Variants in DAAM2 observed in about 807,000 individuals in gnomAD.
DAAM2 encodes the protein dishevelled associated activator of morphogenesis 2.
A neutral mutation model predicts 120.7 loss-of-function variants in DAAM2; 39 were observed. That is an observed-to-expected ratio of 0.32 (90% confidence interval 0.25 to 0.42). The LOEUF (loss-of-function observed/expected upper bound fraction) is 0.42. Among genes scored for constraint, DAAM2 ranks in the 10% least tolerant of loss-of-function variants. The probability of loss-of-function intolerance (pLI) is 1.00; values close to 1 mark genes in which losing one functional copy is unlikely to be tolerated. For synonymous variants in DAAM2, 488 were observed against 524.9 expected (o/e 0.93, Z 0.96); for missense variants, 1,283 against 1,401.7 (o/e 0.92, Z 1.35).
In DAAM2 at chr6:39,832,934, C is replaced by G. The variant is rs143319675; in HGVS notation, c.-56-23313C>G. ...GGCTCTGCCAGGACGTCCACCCACT[C>G]CTGGAGGGCCCAGGTGTCCAGTGGC... On this transcript the variant is annotated intron_variant, in intron 1 of 24. Coordinates refer to ENST00000274867, the MANE Select transcript of DAAM2 (RefSeq NM_001201427.2). Among the ~76,000 whole-genome samples, 285 of 152,290 alleles carry G rather than the reference C, an allele frequency of 1.9e-3. 3 individuals carry two copies. The highest frequency in any genetic ancestry group is 6.2e-3 in the African/African-American group (259 of 41,570).
At chr6:39,812,271 G>T (rs1481640917) in intron 1 of DAAM2, among the ~76,000 whole-genome samples, 2 of 152,148 alleles carry the variant, frequency 1.3e-5, no homozygotes, top group Admixed American at 6.5e-5. Context: ...TGTATGGAGG[G>T]CTCACTAGGT....
chr6:39,888,778 G>A lies in DAAM2; in HGVS notation c.2145+15G>A, dbSNP rs1028790925. 6.2e-7 allele frequency: 1 copy of A among 1,603,834 alleles called. No individual in the cohort carries two copies. Among genetic ancestry groups the A allele is most frequent in the Non-Finnish European group, 8.5e-7 (1 of 1,172,734 alleles). On this transcript the variant is annotated intron_variant, in intron 17 of 24. Transcript: ENST00000274867. ...TGCTGGAGCAGGTGAGGACCCTCGT[G>A]GGAAGGAAGGGGAACTGAACCCAGC... is the stretch of plus-strand genomic sequence containing the variant.
chr6:39,840,267 A>G (rs1388147093), intron 1 of DAAM2, among the ~76,000 whole-genome samples: 1 of 152,144 alleles, frequency 6.6e-6, no homozygotes, highest in Non-Finnish European at 1.5e-5. Context: ...CAGCTAGGTC[A>G]GAACCTGCCT....
At position 39,869,029 on chromosome 6, in the gene DAAM2, A is replaced by G. The variant is rs143771988; in HGVS notation, c.873+96A>G. On this transcript the variant is annotated intron_variant, in intron 7 of 24. Transcript: ENST00000274867. ...TGCTTCCCCAATAATTGTTTTTGCT[A>G]TTAAACCTGGGAGGGCTCCTGGGGA... is the stretch of plus-strand genomic sequence containing the variant. 1.5e-4 allele frequency: 145 copies of G among 960,788 alleles called. No homozygotes were observed. The East Asian group carries it at 3.7e-3, about 24-fold the overall frequency. The allele number at this position is 960,788 out of a possible 1,614,324, so 59.5% of individuals were successfully genotyped here.
At position 39,897,256 on chromosome 6, in the gene DAAM2, A is replaced by C; in HGVS notation, c.2592A>C (p.Gln864His). Residue 864 changes from glutamine to histidine, a missense_variant, in exon 21 of 25, where the codon CAA (glutamine) becomes CAC (histidine). Physicochemically the swap from Gln to His is conservative, Grantham distance 24. Transcript: ENST00000274867. ...PDILNMPSEL[Q>H]HLPEAAKVNL... ...TTCTAAACATGCCTTCAGAGCTGCAACATCTTCCAGAAGCTGCCAAAGTCA... is the reference window on the plus strand; with the variant it reads ...TTCTAAACATGCCTTCAGAGCTGCACCATCTTCCAGAAGCTGCCAAAGTCA... 8.7e-6 allele frequency: 14 copies of C among 1,612,744 alleles called. No homozygotes were observed. The highest frequency in any genetic ancestry group is 1.2e-5 in the Non-Finnish European group (14 of 1,178,784).
In DAAM2 at chr6:39,805,557, A is replaced by ATT. The variant is rs35097341; in HGVS notation, c.-57+13106_-57+13107dup. On this transcript the variant is annotated intron_variant, in intron 1 of 24. Coordinates refer to ENST00000274867, the MANE Select transcript of DAAM2 (RefSeq NM_001201427.2). ...CATGGGAAAGAAGTATCCTAAGGTT[A>ATT]TTTTTTTTTTTTTTTGAGACAGAGT... 5.4e-3 allele frequency among the ~76,000 whole-genome samples: 771 copies of ATT among 142,588 alleles called. 9 individuals carry two copies. The highest frequency in any genetic ancestry group is 0.019 in the African/African-American group (718 of 38,590). The allele number at this position is 142,588 out of a possible 152,430, so 93.5% of individuals were successfully genotyped here. A position where few individuals can be genotyped will look rare whatever the true frequency, so the allele number is the denominator to read the frequency against.
chr6:39,813,086 A>G (rs1404569272), intron 1 of DAAM2, among the ~76,000 whole-genome samples: 1 of 152,032 alleles, frequency 6.6e-6, no homozygotes, highest in Non-Finnish European at 1.5e-5. Context: ...TTCCCAGTTC[A>G]TCTGAGGGCA....
At position 39,861,429 on chromosome 6, in the gene DAAM2, G is replaced by A. The variant is rs369120915; in HGVS notation, c.258+412G>A. On this transcript the variant is annotated intron_variant, in intron 3 of 24. Coordinates refer to ENST00000274867, the MANE Select transcript of DAAM2 (RefSeq NM_001201427.2). Reference sequence around the variant, plus strand: ...GATCTTTAGTCTCCACTCTGTCCCAGGCTAGGGCTCACACATCTGTCCATG... The same window carrying A: ...GATCTTTAGTCTCCACTCTGTCCCAAGCTAGGGCTCACACATCTGTCCATG... The A allele has an allele frequency of 2.9e-5, 10 of 344,654 alleles. No homozygotes were observed. In the East Asian group the frequency reaches 6.7e-4, roughly 23 times the overall value. 21.3% of individuals were successfully genotyped at this position (344,654 alleles called of 1,614,324 possible).
Position 39,901,666 on chromosome 6 carries a change from G to T in DAAM2, c.2983-147G>T. The T allele has an allele frequency of 1.0e-6, 1 of 964,020 alleles. No homozygotes were observed. 59.7% of individuals were successfully genotyped at this position (964,020 alleles called of 1,614,324 possible). The stretch of plus-strand genomic sequence containing the variant: ...GAGAGTGGTGTGAAGCTGGGGGCCT[G>T]TATGTCCTAGGCAGGAAGAAAGTGG... On this transcript the variant is annotated intron_variant, in intron 24 of 24. Coordinates refer to ENST00000274867, the MANE Select transcript of DAAM2 (RefSeq NM_001201427.2). The surrounding 1 kb of genome is among the most constrained non-coding windows in gnomAD (Gnocchi z 4.5).
chr6:39,799,614 G>A (rs1761801661), intron 1 of DAAM2, among the ~76,000 whole-genome samples: 1 of 152,036 alleles, frequency 6.6e-6, no homozygotes, highest in African/African-American at 2.4e-5. Flanking sequence ...ACGATTGGGA[G>A]CTGCCTCCTA....
chr6:39,864,951 GCAGCC>G, intron 4 of DAAM2, 24 bp from the exon 5 acceptor site: 7 of 1,578,010 alleles, frequency 4.4e-6, no homozygotes, highest in Non-Finnish European at 5.2e-6. Flanking sequence ...TGGGAGACAG[GCAGCC>G]CCTTTCTACC....
intron 14 of DAAM2, among the ~76,000 whole-genome samples, chr6:39,882,587 C>T (rs1431047544): frequency 1.3e-5 from 2 of 152,058 alleles, no homozygotes; most frequent in Admixed American, 6.6e-5. Flanking sequence ...CAGCCAGCGC[C>T]GTCCCTGCCT....
chr6:39,889,041 G>A (rs1380337350), intron 17 of DAAM2: 2 of 242,556 alleles, frequency 8.2e-6, no homozygotes, highest in Non-Finnish European at 1.6e-5. Flanking sequence ...CAGTTTTTTG[G>A]ATCCTTTGGG....
At chr6:39,839,912 G>A (rs1204792107) in intron 1 of DAAM2, among the ~76,000 whole-genome samples, 11 of 152,166 alleles carry the variant, frequency 7.2e-5, no homozygotes. Context: ...TGTGTTGGGG[G>A]AGAAGAATGG....
At position 39,904,836 on chromosome 6, in the gene DAAM2, C is replaced by G. The variant is rs996904994; in HGVS notation, c.*2799C>G. The G allele has an allele frequency of 9.3e-5, 42 of 453,932 alleles. No homozygotes were observed. In the Admixed American group the frequency reaches 9.9e-4, roughly 11 times the overall value. The allele number at this position is 453,932 out of a possible 1,614,324, so 28.1% of individuals were successfully genotyped here. On this transcript the variant is annotated 3_prime_UTR_variant, in exon 25 of 25. Transcript: ENST00000274867. ...TTTTTTATAAGAATATATTGTAATA[C>G]TAAAAAATATTAAATTCATACCATC...
chr6:39,900,746 CT>C (rs5875690), intron 23 of DAAM2, among the ~76,000 whole-genome samples: 89,859 of 151,902 alleles, frequency 0.59, 26,906 homozygotes, highest in African/African-American at 0.69. Context: ...ATGAAGCACA[CT>C]TTTGAGTAGT....
chr6:39,899,964 C>A, intron 22 of DAAM2, 113 bp from the exon 23 acceptor site: 1 of 1,200,662 alleles, frequency 8.3e-7, no homozygotes, highest in Non-Finnish European at 1.1e-6. Context: ...GCAGGGTGTT[C>A]CCTCTTCCAA....
intron 1 of DAAM2, among the ~76,000 whole-genome samples, chr6:39,814,906 G>C (rs749807243): frequency 6.6e-6 from 1 of 152,206 alleles, no homozygotes; most frequent in Non-Finnish European, 1.5e-5. Context: ...GTATTAGCCT[G>C]ATTCAATTCA....
intron 11 of DAAM2, among the ~76,000 whole-genome samples, chr6:39,877,280 C>T (rs1422347206): frequency 6.6e-6 from 1 of 152,208 alleles, no homozygotes; most frequent in Non-Finnish European, 1.5e-5. Flanking sequence ...GGAGTGCTGG[C>T]AGGGCCCCAC....
Sources: allele counts gnomAD v4.1 joint callset (sites outside exome capture counted in the v4.1 genomes callset), GRCh38; gene constraint gnomAD v4.1.1; non-coding constraint Gnocchi (gnomAD v3.1); transcripts MANE v1.5; gene names NCBI Gene and HGNC (gene_info 2026-07-23, HGNC 2026-07-21).